Variants in GAPVD1 observed in about 807,000 individuals in gnomAD.
GAPVD1 encodes GTPase-activating protein and VPS9 domain-containing protein 1.
GAPVD1 carries 35 observed loss-of-function variants against 155.5 expected under a neutral mutation model. The observed-to-expected ratio is 0.23, with a 90% CI of 0.17 to 0.30. GAPVD1 has a LOEUF of 0.30. Ranked by LOEUF, GAPVD1 falls within the 10% of genes least tolerant of loss-of-function variation. The probability of loss-of-function intolerance (pLI) is 1.00; values close to 1 mark genes in which losing one functional copy is unlikely to be tolerated. For missense variants in GAPVD1, 1,429 were observed against 1,775.7 expected, an observed-to-expected ratio of 0.80 and a Z score of 3.51; for synonymous variants, 636 against 619.7, an observed-to-expected ratio of 1.03 and a Z score of -0.39.
At chr9:125,269,241 T>C (rs972383998) in intron 2 of GAPVD1, among the ~76,000 whole-genome samples, 9 of 152,098 alleles carry the variant, frequency 5.9e-5, no homozygotes, top group African/African-American at 9.7e-5. Context: ...GTCCTTCTTA[T>C]TTGCTTTGGA....
At chr9:125,336,390 T>C (rs375025510) in intron 15 of GAPVD1, among the ~76,000 whole-genome samples, 10 of 152,292 alleles carry the variant, frequency 6.6e-5, no homozygotes, top group African/African-American at 2.2e-4. Context: ...TGCATACTTA[T>C]CTATTTTAAA....
In GAPVD1 at chr9:125,323,943, A is replaced by G; in HGVS notation, c.1858+20A>G. Reference sequence around the variant, plus strand: ...AGCAAGGTAAAGTGAAGTTGAACACAGTTGCCTAAGTAGCAAAGAATTTAC... The same window carrying G: ...AGCAAGGTAAAGTGAAGTTGAACACGGTTGCCTAAGTAGCAAAGAATTTAC... On this transcript the variant is annotated intron_variant, in intron 11 of 27. Coordinates refer to ENST00000297933, the MANE Select transcript of GAPVD1 (RefSeq NM_001282680.3). 2 of 1,605,664 alleles carry G rather than the reference A, an allele frequency of 1.2e-6. No homozygotes were observed. Among genetic ancestry groups the G allele is most frequent in the Non-Finnish European group, 1.7e-6 (2 of 1,176,236 alleles).
At chr9:125,265,787 C>A (rs987643525) in intron 1 of GAPVD1, among the ~76,000 whole-genome samples, 1 of 147,222 alleles carries the variant, frequency 6.8e-6, no homozygotes. Flanking sequence ...AAACTACTGG[C>A]CAGGCGTGGT....
At chr9:125,334,270 TAAAA>T (rs780577226) in intron 15 of GAPVD1, among the ~76,000 whole-genome samples, 3 of 104,466 alleles carry the variant, frequency 2.9e-5, no homozygotes, top group Non-Finnish European at 4.1e-5. Context: ...CACTCACAGT[TAAAA>T]AAAAAAAAAA....
chr9:125,346,722 C>G (rs757353539), intron 19 of GAPVD1, 97 bp from the exon 20 acceptor site: 3 of 963,922 alleles, frequency 3.1e-6, no homozygotes, highest in Non-Finnish European at 3.4e-6. Context: ...GTCTTACCTC[C>G]TAATCTGCCT....
intron 11 of GAPVD1, among the ~76,000 whole-genome samples, chr9:125,324,768 G>A (rs548593520): frequency 6.6e-6 from 1 of 152,116 alleles, no homozygotes; most frequent in Non-Finnish European, 1.5e-5. Flanking sequence ...AATGGAGTGA[G>A]GTAAGGATTA....
intron 19 of GAPVD1, chr9:125,345,887 A>G (rs965801017): frequency 5.3e-5 from 8 of 152,076 alleles, no homozygotes; most frequent in South Asian, 2.1e-4. Context: ...GTGTGTGTAT[A>G]TATATATATA....
chr9:125,263,686 GCACTCCATCTGTAGGTATGTCTGT>G, intron 1 of GAPVD1: 1 of 213,720 alleles, frequency 4.7e-6, no homozygotes, highest in Admixed American at 6.3e-5. Flanking sequence ...AAGTGGCACA[GCACTCCATCTGTAGGTATGTCTGT>G]CAGCACTCCA....
chr9:125,300,771 G>T (rs1300600811), intron 4 of GAPVD1, among the ~76,000 whole-genome samples: 1 of 151,574 alleles, frequency 6.6e-6, no homozygotes, highest in Admixed American at 6.6e-5. Flanking sequence ...CTTGACATTT[G>T]TGCACTTTAC....
intron 26 of GAPVD1, 55 bp downstream of exon 26, chr9:125,359,547 T>C: frequency 1.2e-6 from 1 of 862,634 alleles, no homozygotes; most frequent in Non-Finnish European, 2.0e-6. Flanking sequence ...CGTGTTATTA[T>C]ACCATATAAT....
chr9:125,317,694 T>A (rs1823324820), intron 9 of GAPVD1, among the ~76,000 whole-genome samples: 1 of 150,766 alleles, frequency 6.6e-6, no homozygotes, highest in Non-Finnish European at 1.5e-5. Flanking sequence ...GACATTGGAC[T>A]TACTCAAGAC....
rs140649971 is a variant in GAPVD1, at chr9:125,307,763, G to A, written c.1324G>A (p.Ala442Thr). The A allele has an allele frequency of 2.4e-5, 38 of 1,613,564 alleles. No homozygotes were observed. The highest frequency in any genetic ancestry group is 3.1e-5 in the Non-Finnish European group (37 of 1,179,670). ...TAGAATGGCTCTTGACAATTTATTG[G>A]CAAACCTACCCCCGGCCAAGCCAGG... ...EDRMALDNLL[A>T]NLPPAKPGKS... is the part of the protein sequence containing the mutation. Residue 442 changes from alanine (A) to threonine (T), a missense_variant, in exon 8 of 28, where the codon GCA (alanine) becomes ACA (threonine). By Grantham distance (58) the Ala-to-Thr change is moderately conservative. Transcript: ENST00000297933.
At chr9:125,296,358 G>GTTGTTTTTTTTGT (rs1839858434) in intron 3 of GAPVD1, among the ~76,000 whole-genome samples, 1 of 121,758 alleles carries the variant, frequency 8.2e-6, no homozygotes, top group Non-Finnish European at 1.6e-5. Context: ...TAGTTCTTAG[G>GTTGTTTTTTTTGT]TTTTTTTTTT....
intron 20 of GAPVD1, among the ~76,000 whole-genome samples, chr9:125,348,671 G>A (rs1041652519): frequency 4.6e-5 from 7 of 152,064 alleles, no homozygotes; most frequent in East Asian, 1.9e-4. Flanking sequence ...GCCACCATAC[G>A]TGGCTGATTT....
At chr9:125,323,016 G>T (rs1844578317) in intron 10 of GAPVD1, among the ~76,000 whole-genome samples, 3 of 145,966 alleles carry the variant, frequency 2.1e-5, no homozygotes, top group South Asian at 2.1e-4. Flanking sequence ...TGGTGCCACT[G>T]CATTCCAGCT....
At chr9:125,289,475 T>A (rs1838249514) in intron 2 of GAPVD1, among the ~76,000 whole-genome samples, 1 of 152,128 alleles carries the variant, frequency 6.6e-6, no homozygotes, top group South Asian at 2.1e-4. Flanking sequence ...AAGATACACA[T>A]CAGGATTTGA....
chr9:125,293,876 A>ATAAATATATT lies in GAPVD1; in HGVS notation c.-149-1580_-149-1579insAATATATTTA, dbSNP rs1564311859. On this transcript the variant is annotated intron_variant, in intron 2 of 27. Transcript: ENST00000297933. ...TTTATATATATATATATATATATAT[A>ATAAATATATT]TATATATATATATATATATATATAT... Among the ~76,000 whole-genome samples, 3 of 18,218 alleles carry ATAAATATATT rather than the reference A, an allele frequency of 1.6e-4. 1 individual carries two copies. The highest frequency in any genetic ancestry group is 8.1e-4 in the African/African-American group (3 of 3,710). The allele number at this position is 18,218 out of a possible 152,430, so 12.0% of individuals were successfully genotyped here.
chr9:125,275,058 G>A (rs561366997), intron 2 of GAPVD1, among the ~76,000 whole-genome samples: 72 of 151,738 alleles, frequency 4.7e-4, no homozygotes, highest in African/African-American at 1.5e-3. Flanking sequence ...GCTGTTTTTC[G>A]TTTTAATTTT....
At chr9:125,332,696 A>G (rs1032737168) in intron 15 of GAPVD1, 67 bp downstream of exon 15, 26 of 1,344,004 alleles carry the variant, frequency 1.9e-5, no homozygotes, top group Non-Finnish European at 2.6e-5. Flanking sequence ...GCACTGTGAC[A>G]CATTGCTGGT....
Sources: gnomAD v4.1 joint callset for allele counts (sites outside exome capture counted in the v4.1 genomes callset) on GRCh38, gnomAD v4.1.1 for gene constraint, MANE v1.5 for transcripts, NCBI Gene and HGNC (gene_info 2026-07-23, HGNC 2026-07-21) for gene names.